SESN1: variants seen among roughly 807,000 people sequenced by gnomAD.
SESN1 encodes sestrin 1.
In SESN1, 30 loss-of-function variants were observed where a neutral mutation model predicts 59.3. The ratio of observed to expected loss-of-function variants is 0.51; its 90% CI spans 0.38 to 0.69. SESN1 has a LOEUF of 0.69. Among genes scored for constraint, SESN1 ranks in the 30% least tolerant of loss-of-function variants. SESN1 has a pLI of 0.00. For synonymous variants in SESN1, 197 were observed against 219.9 expected, an observed-to-expected ratio of 0.90 and a Z score of 0.92; for missense variants, 566 against 673.0, an observed-to-expected ratio of 0.84 and a Z score of 1.76.
chr6:109,092,799 A>G (rs1043461397), intron 1 of SESN1, among the ~76,000 whole-genome samples: 1 of 152,208 alleles, frequency 6.6e-6, no homozygotes, highest in Non-Finnish European at 1.5e-5. Flanking sequence ...AATTGTTTCC[A>G]AAGTGTTAGT....
At chr6:109,082,539 G>C (rs1177943252) in intron 1 of SESN1, among the ~76,000 whole-genome samples, 1 of 152,130 alleles carries the variant, frequency 6.6e-6, no homozygotes, top group Non-Finnish European at 1.5e-5. Flanking sequence ...CACAAACTTT[G>C]GCCATGGGTC....
At chr6:109,050,223 G>A (rs1443665783) in intron 1 of SESN1, among the ~76,000 whole-genome samples, 1 of 152,034 alleles carries the variant, frequency 6.6e-6, no homozygotes, top group Non-Finnish European at 1.5e-5. Flanking sequence ...GCAATAACTG[G>A]CCCAACTCAG....
Position 109,049,653 on chromosome 6 carries a change from ATG to A in SESN1, c.279+44140_279+44141del, listed in dbSNP as rs551763442. Among the ~76,000 whole-genome samples the A allele has an allele frequency of 1.9e-4, 29 of 151,668 alleles. No individual in the cohort carries two copies. In the South Asian group the frequency reaches 5.8e-3, roughly 30 times the overall value. ...TACCCCATAATTATGTACAATTATT[ATG>A]TGTCAGTTAAAAAATAAAAAATAAA... On this transcript the variant is annotated intron_variant, in intron 1 of 9. Transcript: ENST00000436639.
At position 109,092,621 on chromosome 6, in the gene SESN1, T is replaced by C. The variant is rs759842419; in HGVS notation, c.279+1174A>G. 4.8e-4 allele frequency among the ~76,000 whole-genome samples: 73 copies of C among 152,292 alleles called. 2 individuals carry two copies. The highest frequency in any genetic ancestry group is 1.2e-4 in the Non-Finnish European group (8 of 68,014). ...GATCATATAGTCAGTCCTCCACCCT[T>C]TGCTGCACAACAATAGTTGATATGC... On this transcript the variant is annotated intron_variant, in intron 1 of 9. Coordinates refer to ENST00000436639, the MANE Select transcript of SESN1 (RefSeq NM_014454.3).
At chr6:109,082,298 T>G (rs1191221552) in intron 1 of SESN1, among the ~76,000 whole-genome samples, 1 of 151,908 alleles carries the variant, frequency 6.6e-6, no homozygotes, top group East Asian at 1.9e-4. Flanking sequence ...ACTTCCTATC[T>G]CCTCCCCTAG....
At chr6:109,027,476 C>CAAAAAAA (rs57225616) in intron 1 of SESN1, among the ~76,000 whole-genome samples, 3 of 27,312 alleles carry the variant, frequency 1.1e-4, no homozygotes, top group Admixed American at 3.7e-4. Flanking sequence ...GACTCTGTCT[C>CAAAAAAA]AAAAAAAAAA....
intron 1 of SESN1, among the ~76,000 whole-genome samples, chr6:109,061,003 A>G (rs940689500): frequency 1.3e-5 from 2 of 152,226 alleles, no homozygotes; most frequent in Admixed American, 1.3e-4. Flanking sequence ...ATACATGTAT[A>G]TGAACCCTGA....
At chr6:109,042,634 C>T (rs888669455) in intron 1 of SESN1, among the ~76,000 whole-genome samples, 6 of 151,724 alleles carry the variant, frequency 4.0e-5, no homozygotes, top group African/African-American at 1.5e-4. Flanking sequence ...GGTCAATTCC[C>T]ACCATAACTC....
At chr6:109,071,345 TTTTG>T (rs1204689416) in intron 1 of SESN1, among the ~76,000 whole-genome samples, 2 of 151,144 alleles carry the variant, frequency 1.3e-5, no homozygotes, top group African/African-American at 2.5e-5. Flanking sequence ...CAAAGATAGT[TTTTG>T]TTTCTTTTTT....
intron 1 of SESN1, among the ~76,000 whole-genome samples, chr6:109,032,104 T>C (rs368437957): frequency 1.3e-4 from 20 of 152,248 alleles, no homozygotes; most frequent in Middle Eastern, 6.8e-3. Context: ...ACCCCACCTC[T>C]ACTAAAAATA....
At chr6:109,000,330 C>T (rs1779588702) in intron 4 of SESN1, 161 bp downstream of exon 4, 2 of 482,158 alleles carry the variant, frequency 4.1e-6, no homozygotes, top group South Asian at 5.4e-5. Context: ...GCAAATGTAC[C>T]ACAGAAATGC....
intron 1 of SESN1, chr6:109,009,575 G>C (rs1335636111): frequency 9.1e-7 from 1 of 1,096,670 alleles, no homozygotes; most frequent in Non-Finnish European, 1.1e-6. Flanking sequence ...GGGCGGCGCC[G>C]ACAAACAAGC....
intron 1 of SESN1, among the ~76,000 whole-genome samples, chr6:109,026,985 C>T (rs954135649): frequency 3.9e-5 from 6 of 152,060 alleles, no homozygotes; most frequent in Non-Finnish European, 8.8e-5. Flanking sequence ...GCCTGGCCAA[C>T]ACAGTGAAAC....
chr6:109,027,953 T>C (rs990602559), intron 1 of SESN1, among the ~76,000 whole-genome samples: 1 of 152,216 alleles, frequency 6.6e-6, no homozygotes, highest in South Asian at 2.1e-4. Flanking sequence ...CTTTATATTA[T>C]TTTGAATACA....
At chr6:109,018,851 C>T (rs954730874) in intron 1 of SESN1, among the ~76,000 whole-genome samples, 1 of 152,070 alleles carries the variant, frequency 6.6e-6, no homozygotes, top group African/African-American at 2.4e-5. Flanking sequence ...TTTCTCTGAA[C>T]ATGTAGAGCA....
At chr6:109,013,749 T>TA (rs1435451839) in intron 1 of SESN1, among the ~76,000 whole-genome samples, 1 of 152,222 alleles carries the variant, frequency 6.6e-6, no homozygotes, top group Non-Finnish European at 1.5e-5. Flanking sequence ...TGGGATTTGT[T>TA]ACATTTATGT....
chr6:109,067,184 A>G (rs1410034872), intron 1 of SESN1, among the ~76,000 whole-genome samples: 2 of 152,104 alleles, frequency 1.3e-5, no homozygotes, highest in East Asian at 1.9e-4. Context: ...TTGAACCCCA[A>G]TGCCTCCTCA....
At chr6:108,993,668 T>C (rs745507023) in intron 6 of SESN1, among the ~76,000 whole-genome samples, 6 of 152,194 alleles carry the variant, frequency 3.9e-5, no homozygotes, top group Non-Finnish European at 5.9e-5. Context: ...AGCCTGCATA[T>C]AGATAAAGGT....
chr6:109,038,301 T>C (rs184143696), intron 1 of SESN1, among the ~76,000 whole-genome samples: 116 of 152,346 alleles, frequency 7.6e-4, no homozygotes, highest in African/African-American at 2.8e-3. Flanking sequence ...AAGACCAGCC[T>C]GGCCAACATA....
Sources: allele counts gnomAD v4.1 joint callset (sites outside exome capture counted in the v4.1 genomes callset), GRCh38; gene constraint gnomAD v4.1.1; transcripts MANE v1.5; gene names NCBI Gene and HGNC (gene_info 2026-07-23, HGNC 2026-07-21).